The following DCP1A variants were observed in gnomAD, a reference collection of about 807,000 sequenced individuals.
The protein encoded by DCP1A is decapping mRNA 1A, also known as mRNA-decapping enzyme 1A.
A neutral mutation model predicts 58.0 loss-of-function variants in DCP1A; 20 were observed. The ratio of observed to expected loss-of-function variants is 0.34; its 90% CI spans 0.24 to 0.50. DCP1A has a LOEUF of 0.50. DCP1A is among the 20% of genes least tolerant of loss of function. The probability of loss-of-function intolerance (pLI) is 0.98; values close to 1 mark genes in which losing one functional copy is unlikely to be tolerated. For synonymous variants in DCP1A, 285 were observed against 275.1 expected (o/e 1.04, Z -0.36); for missense variants, 613 against 712.2 (o/e 0.86, Z 1.59).
chr3:53,287,671 T>C lies in DCP1A; in HGVS notation c.1669-11A>G, dbSNP rs1553685315. The C allele has an allele frequency of 1.3e-6, 2 of 1,597,628 alleles. No individual in the cohort carries two copies. The highest frequency in any genetic ancestry group is 1.1e-5 in the South Asian group (1 of 90,680). On this transcript the variant is annotated splice_polypyrimidine_tract_variant and intron_variant, in intron 9 of 9. Coordinates refer to ENST00000610213, the MANE Select transcript of DCP1A (RefSeq NM_018403.7). Reference sequence around the variant, plus strand: ...GAAGCTGGAATCATTCTAGAAGAGATGGTAAAGGTTAAGGATACGAATGCC... The same window carrying C: ...GAAGCTGGAATCATTCTAGAAGAGACGGTAAAGGTTAAGGATACGAATGCC...
chr3:53,328,071 G>C (rs1553690850), intron 3 of DCP1A, among the ~76,000 whole-genome samples: 3 of 151,976 alleles, frequency 2.0e-5, no homozygotes, highest in Non-Finnish European at 2.9e-5. Flanking sequence ...AGTGAGCCGA[G>C]ATTGCGCCAC....
chr3:53,310,970 A>G (rs1362741046), intron 5 of DCP1A, among the ~76,000 whole-genome samples: 1 of 152,220 alleles, frequency 6.6e-6, no homozygotes, highest in Non-Finnish European at 1.5e-5. Flanking sequence ...GTTAAAGGGC[A>G]GTATGCAAAA....
At chr3:53,336,844 A>AGATTGATT (rs1353360646) in intron 3 of DCP1A, among the ~76,000 whole-genome samples, 9 of 124,574 alleles carry the variant, frequency 7.2e-5, no homozygotes, top group African/African-American at 2.3e-4. Context: ...CCCAAAGCCC[A>AGATTGATT]GATTTATTTA....
At chr3:53,343,711 A>C (rs1196462406) in intron 2 of DCP1A, among the ~76,000 whole-genome samples, 1 of 152,196 alleles carries the variant, frequency 6.6e-6, no homozygotes, top group African/African-American at 2.4e-5. Context: ...TCCTGGGTTC[A>C]CGATATTCTC....
intron 4 of DCP1A, among the ~76,000 whole-genome samples, chr3:53,318,939 C>G (rs1707887149): frequency 1.3e-5 from 2 of 152,186 alleles, no homozygotes; most frequent in African/African-American, 4.8e-5. Context: ...TATGGTCAGG[C>G]TGTACACCTG....
At chr3:53,318,206 G>C (rs782732732) in intron 4 of DCP1A, among the ~76,000 whole-genome samples, 1 of 152,278 alleles carries the variant, frequency 6.6e-6, no homozygotes, top group East Asian at 1.9e-4. Flanking sequence ...TTGAGAGGCT[G>C]AGATGGGAGG....
At chr3:53,317,014 A>G (rs1707833807) in intron 4 of DCP1A, among the ~76,000 whole-genome samples, 1 of 152,168 alleles carries the variant, frequency 6.6e-6, no homozygotes, top group South Asian at 2.1e-4. Context: ...TAGTTGTTAG[A>G]GCTAAAAGAG....
intron 3 of DCP1A, among the ~76,000 whole-genome samples, chr3:53,332,545 T>C (rs1268730231): frequency 1.3e-5 from 2 of 152,214 alleles, no homozygotes; most frequent in African/African-American, 4.8e-5. Flanking sequence ...GTGGAGTTTT[T>C]TGTTTTGTTG....
chr3:53,292,621 A>C lies in DCP1A; in HGVS notation c.831T>G (p.Pro277=). 1 of 1,613,712 alleles carries C rather than the reference A, an allele frequency of 6.2e-7. No homozygotes were observed. The highest frequency in any genetic ancestry group is 8.5e-7 in the Non-Finnish European group (1 of 1,179,778). The stretch of plus-strand genomic sequence containing the variant: ...GCTGGACTGAATGGTGGGCAGCAGA[A>C]GGGACACCCAGGGTTTCTGATTGAG... ...GAPQSETLGV[P]SAAHHSVQPE... The change falls in exon 7 of 10, where the codon CCT becomes CCG. Residue 277 remains proline (P), a synonymous_variant. Coordinates refer to ENST00000610213, the MANE Select transcript of DCP1A (RefSeq NM_018403.7).
chr3:53,302,824 T>C (rs1553687554), intron 6 of DCP1A, among the ~76,000 whole-genome samples: 1 of 152,164 alleles, frequency 6.6e-6, no homozygotes, highest in Non-Finnish European at 1.5e-5. Flanking sequence ...GGTTTCGCCA[T>C]GTTGGCCAGG....
intron 2 of DCP1A, among the ~76,000 whole-genome samples, chr3:53,344,390 C>G (rs73843125): frequency 2.6e-5 from 4 of 152,254 alleles, no homozygotes; most frequent in Admixed American, 2.6e-4. Flanking sequence ...ATAAAAAATA[C>G]GCCATCATGA....
intron 3 of DCP1A, among the ~76,000 whole-genome samples, chr3:53,324,603 G>A (rs147819699): frequency 5.3e-5 from 8 of 152,326 alleles, no homozygotes; most frequent in Non-Finnish European, 1.2e-4. Context: ...GCAAATGATG[G>A]CACACTGTTT....
In DCP1A at chr3:53,347,373, C is replaced by A. The variant is rs781847553; in HGVS notation, c.135+10G>T. The A allele has an allele frequency of 6.3e-7, 1 of 1,576,620 alleles. No individual in the cohort carries two copies. The highest frequency in any genetic ancestry group is 1.1e-5 in the South Asian group (1 of 87,578). On this transcript the variant is annotated intron_variant, in intron 1 of 9. Coordinates refer to ENST00000610213, the MANE Select transcript of DCP1A (RefSeq NM_018403.7). ...CCGGGTGGCCGTCCTCAGGGCCAGG[C>A]GGCACTCACCCACTGGTTGGCCTTG...
intron 4 of DCP1A, 57 bp downstream of exon 4, chr3:53,319,350 G>T: frequency 2.8e-6 from 3 of 1,089,780 alleles, no homozygotes; most frequent in East Asian, 5.3e-5. Flanking sequence ...AAGTGGGAGG[G>T]GATTATTTTT....
At position 53,347,377 on chromosome 3, in the gene DCP1A, A is replaced by G; in HGVS notation, c.135+6T>C. On this transcript the variant is annotated splice_donor_region_variant and intron_variant, in intron 1 of 9. Coordinates refer to ENST00000610213, the MANE Select transcript of DCP1A (RefSeq NM_018403.7). ...GTGGCCGTCCTCAGGGCCAGGCGGC[A>G]CTCACCCACTGGTTGGCCTTGGGGC... 1 of 1,584,946 alleles carries G rather than the reference A, an allele frequency of 6.3e-7. No homozygotes were observed. The highest frequency in any genetic ancestry group is 8.6e-7 in the Non-Finnish European group (1 of 1,165,910).
At chr3:53,328,683 G>C (rs987552267) in intron 3 of DCP1A, among the ~76,000 whole-genome samples, 3 of 152,224 alleles carry the variant, frequency 2.0e-5, no homozygotes. Flanking sequence ...GGCTCTACCA[G>C]AATACTAAGC....
At position 53,292,649 on chromosome 3, in the gene DCP1A, G is replaced by C; in HGVS notation, c.803C>G (p.Ala268Gly). ...LPFPFEQLGG[A>G]PQSETLGVPS... ...GACACCCAGGGTTTCTGATTGAGGG[G>C]CTCCTCCTAACTGCTCAAAGGGAAA... Residue 268 changes from alanine to glycine, a missense_variant, in exon 7 of 10, where the codon GCC (alanine) becomes GGC (glycine). By Grantham distance (60) the Ala-to-Gly change is moderately conservative. Around this residue, in one of 3 missense-constraint regions of DCP1A, gnomAD observed 498 missense variants for 556.7 expected, o/e 0.89. Transcript: ENST00000610213. 2 of 1,613,610 alleles carry C rather than the reference G, an allele frequency of 1.2e-6. No homozygotes were observed. Among genetic ancestry groups the C allele is most frequent in the Non-Finnish European group, 1.7e-6 (2 of 1,179,718 alleles).
chr3:53,308,166 G>A (rs1707532036), intron 5 of DCP1A, among the ~76,000 whole-genome samples: 2 of 151,654 alleles, frequency 1.3e-5, no homozygotes, highest in Non-Finnish European at 2.9e-5. Flanking sequence ...TCTTCTTTTT[G>A]TTTACTGTAA....
At chr3:53,310,343 T>C (rs1226547556) in intron 5 of DCP1A, among the ~76,000 whole-genome samples, 2 of 152,250 alleles carry the variant, frequency 1.3e-5, no homozygotes, top group Non-Finnish European at 2.9e-5. Context: ...TAAAGTTTTG[T>C]GTTCAAAGCT....
Sources: allele counts gnomAD v4.1 joint callset (sites outside exome capture counted in the v4.1 genomes callset), GRCh38; gene constraint gnomAD v4.1.1; regional missense constraint gnomAD v4.1.1; transcripts MANE v1.5; gene names NCBI Gene and HGNC (gene_info 2026-07-23, HGNC 2026-07-21).